Variants in ATP2A1 observed in about 807,000 individuals in gnomAD.
ATP2A1 encodes sarcoplasmic/endoplasmic reticulum calcium ATPase 1.
A neutral mutation model predicts 109.5 loss-of-function variants in ATP2A1; 83 were observed. That is an observed-to-expected ratio of 0.76 (90% CI 0.63 to 0.91). The LOEUF (loss-of-function observed/expected upper bound fraction) is 0.91, where lower values mean the gene tolerates loss of function less well. Among genes scored for constraint, ATP2A1 ranks in the 40% least tolerant of loss-of-function variants. ATP2A1 has a pLI of 0.00. For synonymous variants in ATP2A1, 505 were observed against 537.6 expected (o/e 0.94, Z 0.84); for missense variants, 1,101 against 1,341.0 (o/e 0.82, Z 2.80).
chr16:28,893,248 A>C (rs1388609138), intron 9 of ATP2A1, among the ~76,000 whole-genome samples: 2 of 149,152 alleles, frequency 1.3e-5, no homozygotes, highest in Non-Finnish European at 3.0e-5. Context: ...AGAGAGAGAG[A>C]GAGCAAGAGA....
rs1963415841 is a variant in ATP2A1, at chr16:28,880,086, C to T, written c.219+503C>T. ...GGTGTGATGATGACTCCAAGGAGCC[C>T]GGCGCCCGGTCAGGGAGGGCACTGG... On this transcript the variant is annotated intron_variant, in intron 3 of 22. Transcript: ENST00000395503. The surrounding 1 kb of genome is among the most constrained non-coding windows in gnomAD (Gnocchi z 4.2). 2 of 996,826 alleles carry T rather than the reference C, an allele frequency of 2.0e-6. No homozygotes were observed. The highest frequency in any genetic ancestry group is 2.4e-6 in the Non-Finnish European group (2 of 839,042). The allele number at this position is 996,826 out of a possible 1,614,324, so 61.7% of individuals were successfully genotyped here.
chr16:28,881,262 T>A (rs905097972), intron 4 of ATP2A1, among the ~76,000 whole-genome samples: 2 of 152,134 alleles, frequency 1.3e-5, no homozygotes, highest in African/African-American at 4.8e-5. Flanking sequence ...TCTTCATCCA[T>A]AAAATGGGGC....
Position 28,902,763 on chromosome 16 carries a change from G to A in ATP2A1, c.2611-15G>A, listed in dbSNP as rs371567625. 4.2e-5 allele frequency: 68 copies of A among 1,613,918 alleles called. No homozygotes were observed. In the African/African-American group the frequency reaches 4.3e-4, roughly 10 times the overall value. On this transcript the variant is annotated splice_polypyrimidine_tract_variant and intron_variant, in intron 18 of 22. Transcript: ENST00000395503. This position sits in a 1 kb window ranked among gnomAD's most constrained non-coding sequence, Gnocchi z 4.8. Reference sequence around the variant, plus strand: ...AGGTGGCCCTGGACCTCAGTCTCCCGTACCTTCCCTGCAGACTCACTTCAT... The same window carrying A: ...AGGTGGCCCTGGACCTCAGTCTCCCATACCTTCCCTGCAGACTCACTTCAT...
In ATP2A1 at chr16:28,900,646, C is replaced by A; in HGVS notation, c.1830C>A (p.Ser610=). 1 of 1,605,574 alleles carries A rather than the reference C, an allele frequency of 6.2e-7. No individual in the cohort carries two copies. Among genetic ancestry groups the A allele is most frequent in the Non-Finnish European group, 8.5e-7 (1 of 1,173,852 alleles). The change falls in exon 15 of 23, where the codon TCC becomes TCA. Residue 610 remains serine, a synonymous_variant. Coordinates refer to ENST00000395503, the MANE Select transcript of ATP2A1 (RefSeq NM_004320.6). Reference sequence around the variant, plus strand: ...CTCCGCGCAAGGAGGTCACGGGCTCCATCCAGCTGTGCCGTGACGCCGGGA... The same window carrying A: ...CTCCGCGCAAGGAGGTCACGGGCTCAATCCAGCTGTGCCGTGACGCCGGGA... The part of the protein sequence containing the change: ...LDPPRKEVTG[S]IQLCRDAGIR...
intron 4 of ATP2A1, 59 bp from the exon 5 acceptor site, chr16:28,882,392 A>T (rs1596664207): frequency 6.3e-7 from 1 of 1,596,686 alleles, no homozygotes; most frequent in Non-Finnish European, 8.6e-7. Context: ...GCCAGGAGCC[A>T]CAACTCCATA....
At chr16:28,897,761 C>T (rs1350779925) in intron 12 of ATP2A1, among the ~76,000 whole-genome samples, 1 of 152,152 alleles carries the variant, frequency 6.6e-6, no homozygotes, top group Non-Finnish European at 1.5e-5. Flanking sequence ...TGAGCCACCG[C>T]GCCTGGCCAA....
At chr16:28,900,479 CA>C in intron 14 of ATP2A1, 101 bp from the exon 15 acceptor site, 2 of 1,009,020 alleles carry the variant, frequency 2.0e-6, no homozygotes, top group Non-Finnish European at 1.4e-6. Flanking sequence ...CCCTCCCCAC[CA>C]CTTCCTGACC....
intron 14 of ATP2A1, among the ~76,000 whole-genome samples, 185 bp from the exon 15 acceptor site, chr16:28,900,396 C>CT (rs937577820): frequency 1.2e-4 from 18 of 152,260 alleles, no homozygotes; most frequent in Non-Finnish European, 2.5e-4. Context: ...TTTCCTGCCT[C>CT]TGAGCTTCCA....
chr16:28,889,511 G>T (rs529323889), intron 9 of ATP2A1, among the ~76,000 whole-genome samples: 4 of 152,152 alleles, frequency 2.6e-5, no homozygotes, highest in Admixed American at 6.6e-5. Flanking sequence ...GCCCCTGTTC[G>T]CTTCCCAAAG....
Position 28,902,845 on chromosome 16 carries a change from C to G in ATP2A1, c.2678C>G (p.Ala893Gly). Residue 893 changes from alanine (A) to glycine (G), a missense_variant, in exon 19 of 23, where the codon GCC (alanine) becomes GGC (glycine). Ala to Gly is a moderately conservative substitution (Grantham distance 60, BLOSUM62 0). Transcript: ENST00000395503. This position sits in a 1 kb window ranked among gnomAD's most constrained non-coding sequence, Gnocchi z 4.8. ...GGCATAGACTGTGAGGTCTTCGAGG[C>G]CCCCGAGCCCATGACCATGGCCCTG... Reference protein sequence around the residue: ...FEGIDCEVFEAPEPMTMALSV... With the variant: ...FEGIDCEVFEGPEPMTMALSV... 1.2e-6 allele frequency: 2 copies of G among 1,613,960 alleles called. No homozygotes were observed. The highest frequency in any genetic ancestry group is 1.7e-6 in the Non-Finnish European group (2 of 1,179,944).
rs1463226948 is a variant in ATP2A1 at position 28,900,605 on chromosome 16, G to C, written c.1789G>C (p.Val597Leu). 11 of 1,576,816 alleles carry C rather than the reference G, an allele frequency of 7.0e-6. No homozygotes were observed. Among genetic ancestry groups the C allele is most frequent in the Non-Finnish European group, 9.5e-6 (11 of 1,158,126 alleles). Residue 597 changes from valine (V) to leucine (L), a missense_variant, in exon 15 of 23, where the codon GTG becomes CTG. By Grantham distance (32) the Val-to-Leu change is conservative. Transcript: ENST00000395503. The part of the protein sequence containing the change: ...YETDLTFVGV[V>L]GMLDPPRKEV... ...GACGGACCTGACATTCGTGGGTGTAGTGGGCATGCTGGACCCTCCGCGCAA... is the reference window on the plus strand; with the variant it reads ...GACGGACCTGACATTCGTGGGTGTACTGGGCATGCTGGACCCTCCGCGCAA...
chr16:28,879,165 C>G (rs778421757), intron 2 of ATP2A1, 49 bp downstream of exon 2: 2 of 1,604,924 alleles, frequency 1.2e-6, no homozygotes, highest in South Asian at 2.2e-5. Flanking sequence ...CCCCCCACCC[C>G]GCCCTGTCCC....
Position 28,892,282 on chromosome 16 carries a change from T to G in ATP2A1, c.1096-1873T>G, listed in dbSNP as rs1024198873. On this transcript the variant is annotated intron_variant, in intron 9 of 22. Coordinates refer to ENST00000395503, the MANE Select transcript of ATP2A1 (RefSeq NM_004320.6). ...AGAACAAGAAAAGCTGTCGTTTTTT[T>G]CTTGGCTATCTCAGTTCTTGGGCTC... 1.0e-4 allele frequency: 26 copies of G among 250,134 alleles called. 1 individual carries two copies. In the Middle Eastern group the frequency reaches 4.4e-3, roughly 43 times the overall value. 15.5% of individuals were successfully genotyped at this position (250,134 alleles called of 1,614,324 possible).
In ATP2A1 at chr16:28,887,740, T is replaced by A; in HGVS notation, c.928+18T>A. The A allele has an allele frequency of 1.2e-6, 2 of 1,613,042 alleles. No homozygotes were observed. The highest frequency in any genetic ancestry group is 1.7e-6 in the Non-Finnish European group (2 of 1,179,658). ...CCCCGAAGGTATGAAAGCCTTTCTT[T>A]TCTCCTCCCATTTGCTAATCCCATC... On this transcript the variant is annotated intron_variant, in intron 8 of 22. Transcript: ENST00000395503.
At chr16:28,895,836 C>T (rs1963905409) in intron 12 of ATP2A1, among the ~76,000 whole-genome samples, 1 of 152,168 alleles carries the variant, frequency 6.6e-6, no homozygotes, top group Non-Finnish European at 1.5e-5. Context: ...TGCACTCCAG[C>T]CTGGGCAACA....
intron 2 of ATP2A1, 183 bp from the exon 3 acceptor site, chr16:28,879,318 C>A: frequency 1.2e-6 from 1 of 836,752 alleles, no homozygotes. Context: ...CCTTGAACTG[C>A]CCCCCACTTT....
intron 9 of ATP2A1, chr16:28,892,436 GA>G: frequency 3.6e-6 from 1 of 276,880 alleles, no homozygotes; most frequent in Non-Finnish European, 7.5e-6. Context: ...ATCAGGGTGA[GA>G]AAGGCTGTAA....
In ATP2A1 at chr16:28,903,703, A is replaced by G. The variant is rs375944523; in HGVS notation, c.2984A>G (p.Ter995=). Residue 995 remains the stop codon, a stop_retained_variant, in exon 22 of 23, where the codon TAA becomes TGA. Coordinates refer to ENST00000395503, the MANE Select transcript of ATP2A1 (RefSeq NM_004320.6). The surrounding 1 kb of genome is among the most constrained non-coding windows in gnomAD (Gnocchi z 5.6). ...KFVARNYLEG[*] is the part of the protein sequence containing the mutation. Reference sequence around the variant, plus strand: ...CTCTTGTCCTCTCTGGCCATAGGATAACTGTTCCCCCTCCTCCATCTCTGA... The same window carrying G: ...CTCTTGTCCTCTCTGGCCATAGGATGACTGTTCCCCCTCCTCCATCTCTGA... 3 of 1,613,116 alleles carry G rather than the reference A, an allele frequency of 1.9e-6. No homozygotes were observed. The highest frequency in any genetic ancestry group is 2.5e-6 in the Non-Finnish European group (3 of 1,179,564).
At chr16:28,879,353 G>C (rs1963381730) in intron 2 of ATP2A1, 148 bp from the exon 3 acceptor site, 5 of 893,560 alleles carry the variant, frequency 5.6e-6, no homozygotes, top group Non-Finnish European at 9.1e-6. Flanking sequence ...TGGACTCCAG[G>C]CGAGCTTCTT....
Sources: allele counts gnomAD v4.1 joint callset (sites outside exome capture counted in the v4.1 genomes callset), GRCh38; gene constraint gnomAD v4.1.1; non-coding constraint Gnocchi (gnomAD v3.1); transcripts MANE v1.5; gene names NCBI Gene and HGNC (gene_info 2026-07-23, HGNC 2026-07-21).